ORMDL1: variants seen among roughly 807,000 people sequenced by gnomAD.
ORMDL1 encodes the protein ORM1-like protein 1.
In ORMDL1, 10 loss-of-function variants were observed where a neutral mutation model predicts 13.0. The observed-to-expected ratio is 0.77, with a 90% CI of 0.47 to 1.30. ORMDL1 has a LOEUF of 1.30. ORMDL1 is among the 50% of genes most tolerant of loss of function. The probability of loss-of-function intolerance (pLI) is 0.00; values close to 1 mark genes in which losing one functional copy is unlikely to be tolerated. For missense variants in ORMDL1, 171 were observed against 186.7 expected, an observed-to-expected ratio of 0.92 and a Z score of 0.49; for synonymous variants, 61 against 63.9, an observed-to-expected ratio of 0.95 and a Z score of 0.22.
chr2:189,774,050 G>A (rs1467141239), intron 4 of ORMDL1: 2 of 152,202 alleles, frequency 1.3e-5, no homozygotes, highest in African/African-American at 4.8e-5. Flanking sequence ...CTGAGCTTTT[G>A]AAGAAAACGG....
intron 4 of ORMDL1, 74 bp from the exon 5 acceptor site, chr2:189,771,976 G>A: frequency 1.7e-6 from 2 of 1,187,464 alleles, no homozygotes; most frequent in Non-Finnish European, 2.2e-6. Context: ...AATTTTAAAG[G>A]TAGAAAAAAA....
Position 189,770,987 on chromosome 2 carries a change from T to C in ORMDL1, c.*780A>G, listed in dbSNP as rs958901110. ...AAGCAGACACCTTTAAATTACCATA[T>C]ATTTTTTAGTTGCTTGAAAGAAATT... On this transcript the variant is annotated 3_prime_UTR_variant, in exon 5 of 5. Transcript: ENST00000392349. 6.6e-6 allele frequency: 1 copy of C among 152,218 alleles called. No individual in the cohort carries two copies. Among genetic ancestry groups the C allele is most frequent in the African/African-American group, 2.4e-5 (1 of 41,464 alleles). 9.4% of individuals were successfully genotyped at this position (152,218 alleles called of 1,614,324 possible).
downstream of ORMDL1, chr2:189,765,354 AG>A (rs1268729816): frequency 1.3e-5 from 2 of 152,210 alleles, no homozygotes; most frequent in African/African-American, 4.8e-5. Flanking sequence ...GCATTCAGAG[AG>A]GGGTATTGCT....
intron 3 of ORMDL1, among the ~76,000 whole-genome samples, chr2:189,777,222 A>C (rs1213353415): frequency 6.6e-6 from 1 of 152,228 alleles, no homozygotes; most frequent in Admixed American, 6.5e-5. Context: ...CGGAATAAGC[A>C]CTGGGACACC....
chr2:189,777,212 C>T (rs1318577785), intron 3 of ORMDL1, among the ~76,000 whole-genome samples: 2 of 152,078 alleles, frequency 1.3e-5, no homozygotes, highest in African/African-American at 2.4e-5. Context: ...TGAATACACT[C>T]GGAATAAGCA....
At chr2:189,766,546 G>A (rs1160727150), downstream of ORMDL1, among the ~76,000 whole-genome samples, 2 of 152,048 alleles carry the variant, frequency 1.3e-5, no homozygotes, top group East Asian at 3.9e-4. Context: ...TGGCCAACAT[G>A]ATGGCCATCT....
At chr2:189,779,167 G>C (rs1018941441) in intron 3 of ORMDL1, among the ~76,000 whole-genome samples, 3 of 152,186 alleles carry the variant, frequency 2.0e-5, no homozygotes, top group Admixed American at 1.3e-4. Context: ...AACAGAGTGA[G>C]ACCCTGTCTC....
chr2:189,775,670 G>A lies in ORMDL1; in HGVS notation c.221C>T (p.Thr74Ile). 1 of 1,613,926 alleles carries A rather than the reference G, an allele frequency of 6.2e-7. No individual in the cohort carries two copies. Among genetic ancestry groups the A allele is most frequent in the Non-Finnish European group, 8.5e-7 (1 of 1,179,848 alleles). ...GAGCCTTGCTTTACCCTGGTCAGGAGTTTCGAAAGGTGTTCCTTTCACTGC... is the reference window on the plus strand; with the variant it reads ...GAGCCTTGCTTTACCCTGGTCAGGAATTTCGAAAGGTGTTCCTTTCACTGC... Reference protein sequence around the residue: ...LHAVKGTPFETPDQGKARLLT... With the variant: ...LHAVKGTPFEIPDQGKARLLT... The change falls in exon 4 of 5, where the codon ACT becomes ATT. Residue 74 changes from threonine (T) to isoleucine (I), a missense_variant. Transcript: ENST00000392349.
chr2:189,767,350 C>A (rs527995344), downstream of ORMDL1, among the ~76,000 whole-genome samples: 3 of 152,100 alleles, frequency 2.0e-5, no homozygotes, highest in Non-Finnish European at 4.4e-5. Context: ...GTATTTTCAC[C>A]GGCAATAACT....
In ORMDL1 at chr2:189,775,748, A is replaced by G. The variant is rs2047680543; in HGVS notation, c.175-32T>C. The G allele has an allele frequency of 7.5e-6, 12 of 1,597,690 alleles. No homozygotes were observed. The East Asian group carries it at 2.2e-4, about 30-fold the overall frequency. On this transcript the variant is annotated intron_variant, in intron 3 of 4. Coordinates refer to ENST00000392349, the MANE Select transcript of ORMDL1 (RefSeq NM_016467.5). The stretch of plus-strand genomic sequence containing the variant: ...AACAAGCAAGGGGTTATAAATGATC[A>G]ATATTAAATACAAAATTAGTCTTTG...
intron 3 of ORMDL1, among the ~76,000 whole-genome samples, chr2:189,777,319 C>A (rs752284006): frequency 6.6e-6 from 1 of 152,080 alleles, no homozygotes; most frequent in African/African-American, 2.4e-5. Flanking sequence ...GTAAGCTCTA[C>A]GAAACCATTT....
At position 189,775,573 on chromosome 2, in the gene ORMDL1, T is replaced by TG. The variant is rs2047675162; in HGVS notation, c.317dup (p.Ile107AsnfsTer14). The TG allele has an allele frequency of 6.2e-7, 1 of 1,600,738 alleles. No individual in the cohort carries two copies. The highest frequency in any genetic ancestry group is 8.5e-7 in the Non-Finnish European group (1 of 1,174,522). On this transcript the variant is annotated frameshift_variant, in exon 4 of 5. Coordinates refer to ENST00000392349, the MANE Select transcript of ORMDL1 (RefSeq NM_016467.5). LOFTEE classifies it high-confidence loss of function. Reference sequence around the variant, plus strand: ...AAATTTCTGCCACTTACAGAATTATTGGAGAAATTGTGAAAAACTTCCGTG... The same window carrying TG: ...AAATTTCTGCCACTTACAGAATTATTGGGAGAAATTGTGAAAAACTTCCGTG...
chr2:189,783,415 G>C (rs1285702037), intron 1 of ORMDL1: 1 of 152,158 alleles, frequency 6.6e-6, no homozygotes, highest in Non-Finnish European at 1.5e-5. Flanking sequence ...ATCATCCGAC[G>C]GAGGGGGAAA....
chr2:189,768,995 A>C (rs2047528025), downstream of ORMDL1, among the ~76,000 whole-genome samples: 1 of 152,014 alleles, frequency 6.6e-6, no homozygotes, highest in African/African-American at 2.4e-5. Context: ...AAATTCTATT[A>C]CAAAAATAGA....
chr2:189,771,313 C>T lies in ORMDL1; in HGVS notation c.*454G>A, dbSNP rs2289405. 0.11 allele frequency: 17,433 copies of T among 152,218 alleles called. 1,187 individuals carry two copies. The highest frequency in any genetic ancestry group is 0.17 in the Middle Eastern group (51 of 296). 9.4% of individuals were successfully genotyped at this position (152,218 alleles called of 1,614,324 possible). A position where few individuals can be genotyped will look rare whatever the true frequency, so the allele number is the denominator to read the frequency against. On this transcript the variant is annotated 3_prime_UTR_variant, in exon 5 of 5. Coordinates refer to ENST00000392349, the MANE Select transcript of ORMDL1 (RefSeq NM_016467.5). The stretch of plus-strand genomic sequence containing the variant: ...GCTTACATAAAACGAGAAATATGTA[C>T]GGTAATAAAAATAATCTTTAATAAA...
rs888507990 is a variant in ORMDL1, at chr2:189,771,645, T to C, written c.*122A>G. On this transcript the variant is annotated 3_prime_UTR_variant, in exon 5 of 5. Transcript: ENST00000392349. Reference sequence around the variant, plus strand: ...AAAACAGCACTTGAAGGACCAGCCATTGGCCCTCCAATGTAAATACTTCTC... The same window carrying C: ...AAAACAGCACTTGAAGGACCAGCCACTGGCCCTCCAATGTAAATACTTCTC... 20 of 845,376 alleles carry C rather than the reference T, an allele frequency of 2.4e-5. No homozygotes were observed. The highest frequency in any genetic ancestry group is 3.5e-5 in the Non-Finnish European group (20 of 576,604). 52.4% of individuals were successfully genotyped at this position (845,376 alleles called of 1,614,324 possible). A position where few individuals can be genotyped will look rare whatever the true frequency, so the allele number is the denominator to read the frequency against.
rs1224579509 is a variant in ORMDL1 at position 189,775,647 on chromosome 2, G to A, written c.244C>T (p.Leu82Phe). Reference sequence around the variant, plus strand: ...TCCAGTTGTTCCCAATGAGTTAGGAGCCTTGCTTTACCCTGGTCAGGAGTT... The same window carrying A: ...TCCAGTTGTTCCCAATGAGTTAGGAACCTTGCTTTACCCTGGTCAGGAGTT... ...FETPDQGKARLLTHWEQLDYG... is the reference protein window; with the variant it reads ...FETPDQGKARFLTHWEQLDYG... The change falls in exon 4 of 5, where the codon CTC becomes TTC. Residue 82 changes from leucine (L) to phenylalanine (F), a missense_variant. Transcript: ENST00000392349. 1.2e-6 allele frequency: 2 copies of A among 1,613,864 alleles called. No individual in the cohort carries two copies. The highest frequency in any genetic ancestry group is 2.2e-5 in the East Asian group (1 of 44,866).
At chr2:189,778,311 C>A (rs2047744413) in intron 3 of ORMDL1, 4 of 438,628 alleles carry the variant, frequency 9.1e-6, no homozygotes, top group South Asian at 6.5e-5. Context: ...AGGAGAATCG[C>A]TTGAACCCAG....
At chr2:189,764,613 A>T in the ORMDL1 span, among the ~76,000 whole-genome samples, 5 of 152,330 alleles carry the variant, frequency 3.3e-5, no homozygotes, top group African/African-American at 1.2e-4. Context: ...AAAGGCATGT[A>T]TGCTCTCTGA....
Sources: gnomAD v4.1 joint callset for allele counts (sites outside exome capture counted in the v4.1 genomes callset) on GRCh38, gnomAD v4.1.1 for gene constraint, MANE v1.5 for transcripts, NCBI Gene and HGNC (gene_info 2026-07-23, HGNC 2026-07-21) for gene names.